Variants in CCDC181 observed in about 807,000 individuals in gnomAD.
CCDC181 encodes the protein coiled-coil domain containing 181.
A neutral mutation model predicts 58.7 loss-of-function variants in CCDC181; 35 were observed. The ratio of observed to expected loss-of-function variants is 0.60; its 90% CI spans 0.46 to 0.79. CCDC181 has a LOEUF of 0.79. CCDC181 is among the 30% of genes least tolerant of loss of function. The pLI, the probability that CCDC181 is intolerant of heterozygous loss-of-function variation, is 0.00. For missense variants in CCDC181, 517 were observed against 583.9 expected (o/e 0.89, Z 1.18); for synonymous variants, 183 against 197.5 (o/e 0.93, Z 0.62).
At chr1:169,439,171 G>A (rs1657138692) in intron 2 of CCDC181, among the ~76,000 whole-genome samples, 1 of 151,876 alleles carries the variant, frequency 6.6e-6, no homozygotes, top group African/African-American at 2.4e-5. Context: ...CCCTGCATTG[G>A]GGCTATGGAC....
rs1486130513 is a variant in CCDC181 at position 169,419,111 on chromosome 1, C to G, written c.1117G>C (p.Asp373His). Residue 373 changes from aspartate (D) to histidine (H), a missense_variant, in exon 4 of 6, where the codon GAC (aspartate) becomes CAC (histidine). Asp to His is a moderately conservative substitution (Grantham distance 81). Transcript: ENST00000367806. ...TGCAACCACGCTTTAAATACTATGT[C>G]ATTCTCTCTCTTTTTTTCTTTCTCT... is the stretch of plus-strand genomic sequence containing the variant. ...EEEKEKKREN[D>H]IVFKAWLQKK... The G allele has an allele frequency of 1.2e-6, 2 of 1,610,964 alleles. No homozygotes were observed. The highest frequency in any genetic ancestry group is 1.7e-6 in the Non-Finnish European group (2 of 1,179,454).
At chr1:169,395,963 G>T (rs531560095) in intron 5 of CCDC181, 1 of 151,852 alleles carries the variant, frequency 6.6e-6, no homozygotes, top group African/African-American at 2.4e-5. Flanking sequence ...ATGATATGTG[G>T]TCCTGAATTG....
Position 169,421,970 on chromosome 1 carries a change from A to G in CCDC181, c.461T>C (p.Phe154Ser). 6.2e-7 allele frequency: 1 copy of G among 1,614,014 alleles called. No individual in the cohort carries two copies. The change falls in exon 3 of 6, where the codon TTC becomes TCC. Residue 154 changes from phenylalanine (F) to serine (S), a missense_variant. By Grantham distance (155) the Phe-to-Ser change is radical. Transcript: ENST00000367806. ...VNDKRERKLKFKDQLVDLEVP... is the reference protein window; with the variant it reads ...VNDKRERKLKSKDQLVDLEVP... The stretch of plus-strand genomic sequence containing the variant: ...TTCCAAATCAACTAACTGGTCCTTG[A>G]ACTTAAGTTTTCGCTCCCTTTTATC...
chr1:169,423,064 T>TAC (rs910771111), intron 2 of CCDC181, among the ~76,000 whole-genome samples: 22 of 34,006 alleles, frequency 6.5e-4, no homozygotes, highest in African/African-American at 1.6e-3. Context: ...ATAAATATTT[T>TAC]ATATATATAT....
intron 4 of CCDC181, among the ~76,000 whole-genome samples, chr1:169,402,905 G>T (rs148195017): frequency 3.4e-4 from 52 of 151,678 alleles, no homozygotes; most frequent in African/African-American, 1.2e-3. Flanking sequence ...CTGTATTCAG[G>T]ATACCCATGT....
intron 1 of CCDC181, among the ~76,000 whole-genome samples, chr1:169,425,397 T>C (rs1026435886): frequency 1.3e-5 from 2 of 152,150 alleles, no homozygotes; most frequent in Admixed American, 6.5e-5. Flanking sequence ...TGGATAATTA[T>C]TGTTTTTTTC....
At chr1:169,404,562 CAT>C (rs1289909501) in intron 4 of CCDC181, among the ~76,000 whole-genome samples, 1 of 152,226 alleles carries the variant, frequency 6.6e-6, no homozygotes, top group African/African-American at 2.4e-5. Flanking sequence ...ACAAAAACCA[CAT>C]GATTATCTCA....
chr1:169,395,303 C>G, intron 5 of CCDC181, 97 bp from the exon 6 acceptor site: 2 of 1,087,874 alleles, frequency 1.8e-6, no homozygotes, highest in Non-Finnish European at 2.5e-6. Context: ...ATGGACATTT[C>G]TTTACAATGA....
At chr1:169,439,647 C>A (rs948569859) in intron 2 of CCDC181, among the ~76,000 whole-genome samples, 1 of 152,122 alleles carries the variant, frequency 6.6e-6, no homozygotes, top group Non-Finnish European at 1.5e-5. Flanking sequence ...CTAAGTGTTA[C>A]ACCAGCTCAG....
intron 4 of CCDC181, among the ~76,000 whole-genome samples, chr1:169,398,902 AAGGG>A (rs1655196676): frequency 6.6e-6 from 1 of 152,190 alleles, no homozygotes; most frequent in Admixed American, 6.5e-5. Context: ...TTTAAATAGA[AAGGG>A]AGGAAGTTAT....
chr1:169,446,317 G>A (rs1220386054), intron 2 of CCDC181, among the ~76,000 whole-genome samples: 2 of 152,000 alleles, frequency 1.3e-5, no homozygotes, highest in South Asian at 2.1e-4. Flanking sequence ...GGTGGTGCAC[G>A]CCTGTAGTCC....
chr1:169,450,799 C>T (rs1361166529), intron 2 of CCDC181, among the ~76,000 whole-genome samples: 1 of 152,154 alleles, frequency 6.6e-6, no homozygotes, highest in African/African-American at 2.4e-5. Flanking sequence ...GCTGTTAATA[C>T]TTGGTATTTT....
At chr1:169,421,172 A>G (rs961094065) in intron 3 of CCDC181, among the ~76,000 whole-genome samples, 191 bp downstream of exon 3, 3 of 152,204 alleles carry the variant, frequency 2.0e-5, no homozygotes, top group African/African-American at 4.8e-5. Flanking sequence ...TGTGATCCTT[A>G]CAAGGACCAA....
upstream of CCDC181, among the ~76,000 whole-genome samples, chr1:169,429,022 C>T (rs923253749): frequency 1.3e-5 from 2 of 152,186 alleles, no homozygotes; most frequent in Non-Finnish European, 1.5e-5. Context: ...AGCTTAGCTC[C>T]CACTTACAAG....
chr1:169,444,383 A>G (rs1657315388), intron 2 of CCDC181, among the ~76,000 whole-genome samples: 1 of 152,302 alleles, frequency 6.6e-6, no homozygotes, highest in Non-Finnish European at 1.5e-5. Flanking sequence ...TAATTTTTAA[A>G]GTAATTTCTC....
intron 4 of CCDC181, among the ~76,000 whole-genome samples, chr1:169,416,408 C>A (rs7528375): frequency 0.53 from 81,195 of 151,898 alleles, 22,533 homozygotes; most frequent in Non-Finnish European, 0.6. Context: ...TCTGAGCCCC[C>A]CTGCTTCTAG....
intron 4 of CCDC181, among the ~76,000 whole-genome samples, chr1:169,397,957 C>T (rs1277294173): frequency 6.6e-6 from 1 of 152,154 alleles, no homozygotes; most frequent in African/African-American, 2.4e-5. Context: ...TTATATCTTG[C>T]ATTTCCCTCA....
rs1255041689 is a variant in CCDC181 at position 169,421,903 on chromosome 1, A to C, written c.528T>G (p.Phe176Leu). The stretch of plus-strand genomic sequence containing the variant: ...TCCCAAACATATTCCTTTCGTTTTC[A>C]AAATAATTTTTAAAAGTAGTAGTGT... The part of the protein sequence containing the change: ...LEDTTTFKNY[F>L]ENERNMFGKL... The change falls in exon 3 of 6, where the codon TTT (phenylalanine) becomes TTG (leucine). Residue 176 changes from phenylalanine to leucine, a missense_variant. Physicochemically the swap from Phe to Leu is conservative, Grantham distance 22. Coordinates refer to ENST00000367806, the MANE Select transcript of CCDC181 (RefSeq NM_001300969.2). The C allele has an allele frequency of 6.2e-7, 1 of 1,613,798 alleles. No homozygotes were observed. Among genetic ancestry groups the C allele is most frequent in the Non-Finnish European group, 8.5e-7 (1 of 1,179,946 alleles).
chr1:169,454,929 A>G (rs767916310), intron 2 of CCDC181, among the ~76,000 whole-genome samples: 12 of 151,960 alleles, frequency 7.9e-5, no homozygotes, highest in Non-Finnish European at 1.5e-4. Flanking sequence ...TATTTTTGAA[A>G]TGGTACAATA....
Sources: gnomAD v4.1 joint callset for allele counts (sites outside exome capture counted in the v4.1 genomes callset) on GRCh38, gnomAD v4.1.1 for gene constraint, MANE v1.5 for transcripts, NCBI Gene and HGNC (gene_info 2026-07-23, HGNC 2026-07-21) for gene names.